Variants in ROR2 observed in about 807,000 individuals in gnomAD.
The protein encoded by ROR2 is ROR family WNT receptor 2.
In ROR2, 33 loss-of-function variants were observed where a neutral mutation model predicts 74.9. The ratio of observed to expected loss-of-function variants is 0.44; its 90% CI spans 0.33 to 0.59. The LOEUF is 0.59. ROR2 is among the 20% of genes least tolerant of loss of function. ROR2 has a pLI of 0.02. For synonymous variants in ROR2, 586 were observed against 558.7 expected (o/e 1.05, Z -0.69); for missense variants, 1,216 against 1,313.8 (o/e 0.93, Z 1.15).
chr9:91,733,549 C>T lies in ROR2; in HGVS notation c.623-113G>A. On this transcript the variant is annotated intron_variant, in intron 5 of 8. Coordinates refer to ENST00000375708, the MANE Select transcript of ROR2 (RefSeq NM_004560.4). The surrounding 1 kb of genome is among the most constrained non-coding windows in gnomAD (Gnocchi z 5.7). ...AGACTGCCCACTCAGCCCCCTGATG[C>T]CCCGCCCCGCCCCAGACTCCCCAAC... 3 of 1,158,214 alleles carry T rather than the reference C, an allele frequency of 2.6e-6. No homozygotes were observed. Among genetic ancestry groups the T allele is most frequent in the Non-Finnish European group, 2.4e-6 (2 of 825,596 alleles). The allele number at this position is 1,158,214 out of a possible 1,614,324, so 71.7% of individuals were successfully genotyped here. A position where few individuals can be genotyped will look rare whatever the true frequency, so the allele number is the denominator to read the frequency against.
At chr9:91,824,036 G>A (rs1828213113) in intron 1 of ROR2, among the ~76,000 whole-genome samples, 1 of 152,208 alleles carries the variant, frequency 6.6e-6, no homozygotes, top group Non-Finnish European at 1.5e-5. Flanking sequence ...ACAATGAGCT[G>A]GTGCTTCACA....
chr9:91,752,906 C>T (rs1442521972), intron 4 of ROR2, among the ~76,000 whole-genome samples: 2 of 152,154 alleles, frequency 1.3e-5, no homozygotes, highest in Non-Finnish European at 2.9e-5. Flanking sequence ...ATAAAGTTAG[C>T]ACAGTAAAAT....
Position 91,733,578 on chromosome 9 carries a change from G to T in ROR2, c.623-142C>A. 1.3e-6 allele frequency: 1 copy of T among 749,978 alleles called. No homozygotes were observed. Among genetic ancestry groups the T allele is most frequent in the South Asian group, 1.8e-5 (1 of 56,850 alleles). 46.5% of individuals were successfully genotyped at this position (749,978 alleles called of 1,614,324 possible). On this transcript the variant is annotated intron_variant, in intron 5 of 8. Coordinates refer to ENST00000375708, the MANE Select transcript of ROR2 (RefSeq NM_004560.4). This position sits in a 1 kb window ranked among gnomAD's most constrained non-coding sequence, Gnocchi z 5.7. ...GCCCCGCCCCAGACTCCCCAACCCCGAGCCCCGCACACCACCCTGGAGAGG... is the reference window on the plus strand; with the variant it reads ...GCCCCGCCCCAGACTCCCCAACCCCTAGCCCCGCACACCACCCTGGAGAGG...
chr9:91,936,954 C>T (rs1831712540), intron 1 of ROR2, among the ~76,000 whole-genome samples: 1 of 138,438 alleles, frequency 7.2e-6, no homozygotes, highest in South Asian at 2.3e-4. Context: ...GGCGTGAACC[C>T]GGGAGGCGGA....
chr9:91,731,209 GC>G (rs1837233828), intron 6 of ROR2, 54 bp from the exon 7 acceptor site: 2 of 1,609,812 alleles, frequency 1.2e-6, no homozygotes, highest in Non-Finnish European at 1.7e-6. Context: ...AAACCATTCT[GC>G]CTACACATGC....
chr9:91,779,708 C>T (rs1163719625), intron 1 of ROR2, among the ~76,000 whole-genome samples: 1 of 152,150 alleles, frequency 6.6e-6, no homozygotes, highest in Non-Finnish European at 1.5e-5. Flanking sequence ...GATGCAATCC[C>T]TGGTAAATGG....
intron 1 of ROR2, among the ~76,000 whole-genome samples, chr9:91,913,908 CTG>C (rs1831055530): frequency 6.6e-6 from 1 of 152,144 alleles, no homozygotes; most frequent in South Asian, 2.1e-4. Flanking sequence ...CTGTCCAACA[CTG>C]TACTTAATGC....
rs190454137 is a variant in ROR2, at chr9:91,931,217, A to C, written c.97+18650T>G. Among the ~76,000 whole-genome samples, 60 of 152,362 alleles carry C rather than the reference A, an allele frequency of 3.9e-4. No individual in the cohort carries two copies. The East Asian group carries it at 8.9e-3, about 22-fold the overall frequency. ...TTTGTTATATTTAAAATCTGTCTGAATCCAAACAACTAGAAGATAGAAAAT... is the reference window on the plus strand; with the variant it reads ...TTTGTTATATTTAAAATCTGTCTGACTCCAAACAACTAGAAGATAGAAAAT... On this transcript the variant is annotated intron_variant, in intron 1 of 8. Transcript: ENST00000375708.
intron 1 of ROR2, among the ~76,000 whole-genome samples, chr9:91,812,767 A>G (rs1827803838): frequency 6.6e-6 from 1 of 151,926 alleles, no homozygotes; most frequent in Non-Finnish European, 1.5e-5. Context: ...GATAATTCCC[A>G]CTTTGGCCAA....
chr9:91,798,779 C>G (rs532669270), intron 1 of ROR2, among the ~76,000 whole-genome samples: 1 of 152,262 alleles, frequency 6.6e-6, no homozygotes, highest in African/African-American at 2.4e-5. Flanking sequence ...CTGTGCTCTA[C>G]TTTTGTCTAC....
Position 91,730,980 on chromosome 9 carries a change from C to T in ROR2, c.1113G>A (p.Gln371=). Residue 371 remains glutamine, a synonymous_variant, in exon 7 of 9, where the codon CAG becomes CAA. Coordinates refer to ENST00000375708, the MANE Select transcript of ROR2 (RefSeq NM_004560.4). The part of the protein sequence containing the change: ...GHAYCRNPGG[Q]MEGPWCFTQN... ...GCGTAAAGCACCAGGGGCCCTCCAT[C>T]TGGCCTCCGGGGTTCCGGCAGTAGG... The T allele has an allele frequency of 6.2e-7, 1 of 1,614,218 alleles. No individual in the cohort carries two copies. The highest frequency in any genetic ancestry group is 1.1e-5 in the South Asian group (1 of 91,084).
chr9:91,757,432 C>T lies in ROR2; in HGVS notation c.303G>A (p.Pro101=), dbSNP rs113612512. Residue 101 remains proline (P), a synonymous_variant, in exon 3 of 9, where the codon CCG becomes CCA. Coordinates refer to ENST00000375708, the MANE Select transcript of ROR2 (RefSeq NM_004560.4). ...PNVRWLKNDA[P]VVQEPRRIII... Reference sequence around the variant, plus strand: ...TGATCCGCCGCGGCTCCTGCACCACCGGGGCATCATTCTTTAGCCACCGCA... The same window carrying T: ...TGATCCGCCGCGGCTCCTGCACCACTGGGGCATCATTCTTTAGCCACCGCA... The T allele has an allele frequency of 9.9e-6, 16 of 1,613,944 alleles. No homozygotes were observed. Among genetic ancestry groups the T allele is most frequent in the African/African-American group, 2.7e-5 (2 of 74,966 alleles).
intron 1 of ROR2, among the ~76,000 whole-genome samples, chr9:91,804,653 C>T (rs976449334): frequency 7.9e-5 from 12 of 152,222 alleles, no homozygotes; most frequent in South Asian, 2.1e-4. Flanking sequence ...CCTGCCGGCT[C>T]CTGCCCAGGG....
At chr9:91,908,916 G>T (rs1194553167) in intron 1 of ROR2, among the ~76,000 whole-genome samples, 1 of 133,172 alleles carries the variant, frequency 7.5e-6, no homozygotes, top group Non-Finnish European at 1.6e-5. Context: ...CTGACCATGA[G>T]GGAGTTTCCC....
At chr9:91,755,164 A>T (rs776732661) in intron 4 of ROR2, among the ~76,000 whole-genome samples, 1 of 118,440 alleles carries the variant, frequency 8.4e-6, no homozygotes, top group Non-Finnish European at 2.0e-5. Flanking sequence ...TTGGGGGGGG[A>T]AAAAAATCTG....
At chr9:91,878,347 C>G (rs1830011972) in intron 1 of ROR2, among the ~76,000 whole-genome samples, 1 of 152,162 alleles carries the variant, frequency 6.6e-6, no homozygotes, top group South Asian at 2.1e-4. Context: ...GAGGATGATT[C>G]ACCCCTCATG....
chr9:91,944,889 C>T (rs72746299), intron 1 of ROR2, among the ~76,000 whole-genome samples: 25,759 of 151,694 alleles, frequency 0.17, 2,544 homozygotes, highest in Non-Finnish European at 0.22. Context: ...TCCATCTCTA[C>T]GAAAAAAAAT....
rs112576233 is a variant in ROR2, at chr9:91,774,415, C to G, written c.175+1326G>C. On this transcript the variant is annotated intron_variant, in intron 2 of 8. Transcript: ENST00000375708. Reference sequence around the variant, plus strand: ...TTATGGACTGAGCAGTGGTGCCCCCCAAACCCATAAGTTGAAGCTCTATCC... The same window carrying G: ...TTATGGACTGAGCAGTGGTGCCCCCGAAACCCATAAGTTGAAGCTCTATCC... Among the ~76,000 whole-genome samples the G allele has an allele frequency of 2.9e-3, 446 of 152,314 alleles. 1 individual carries two copies. Among genetic ancestry groups the G allele is most frequent in the African/African-American group, 0.01 (421 of 41,558 alleles).
chr9:91,789,714 A>G (rs1248868733), intron 1 of ROR2, among the ~76,000 whole-genome samples: 1 of 152,230 alleles, frequency 6.6e-6, no homozygotes, highest in Non-Finnish European at 1.5e-5. Context: ...GGGAATTTTA[A>G]AAGTATATTA....
Sources: gnomAD v4.1 joint callset for allele counts (sites outside exome capture counted in the v4.1 genomes callset) on GRCh38, gnomAD v4.1.1 for gene constraint, Gnocchi (gnomAD v3.1) non-coding constraint, MANE v1.5 for transcripts, NCBI Gene and HGNC (gene_info 2026-07-23, HGNC 2026-07-21) for gene names.